Variants in PAPPA observed in about 807,000 individuals in gnomAD.
PAPPA encodes the protein pappalysin 1.
PAPPA carries 60 observed loss-of-function variants against 164.0 expected under a neutral mutation model. The ratio of observed to expected loss-of-function variants is 0.37; its 90% confidence interval spans 0.30 to 0.45. The LOEUF is 0.45. Among genes scored for constraint, PAPPA ranks in the 20% least tolerant of loss-of-function variants. PAPPA has a pLI of 1.00. For synonymous variants in PAPPA, 875 were observed against 814.1 expected, an observed-to-expected ratio of 1.07 and a Z score of -1.27; for missense variants, 1,782 against 2,087.3, an observed-to-expected ratio of 0.85 and a Z score of 2.85.
At chr9:116,385,569 A>G (rs752809876) in intron 21 of PAPPA, among the ~76,000 whole-genome samples, 3 of 152,184 alleles carry the variant, frequency 2.0e-5, no homozygotes, top group South Asian at 4.1e-4. Flanking sequence ...GCCCCAAGAT[A>G]AGCACAGACT....
At chr9:116,301,270 T>C (rs1363540154) in intron 9 of PAPPA, among the ~76,000 whole-genome samples, 1 of 152,230 alleles carries the variant, frequency 6.6e-6, no homozygotes, top group Non-Finnish European at 1.5e-5. Flanking sequence ...GTTTGGATGA[T>C]AAATTATATA....
intron 2 of PAPPA, among the ~76,000 whole-genome samples, chr9:116,199,259 C>T (rs1432350191): frequency 1.3e-5 from 2 of 152,182 alleles, no homozygotes; most frequent in African/African-American, 4.8e-5. Context: ...TTCCAAGAGA[C>T]TCAGCAAAGG....
At chr9:116,262,987 T>C (rs1411772673) in intron 7 of PAPPA, among the ~76,000 whole-genome samples, 6 of 152,196 alleles carry the variant, frequency 3.9e-5, no homozygotes, top group Non-Finnish European at 5.9e-5. Context: ...TAGGAATTTT[T>C]CCGTGGAAAA....
intron 5 of PAPPA, among the ~76,000 whole-genome samples, chr9:116,224,976 G>A (rs1844488456): frequency 6.6e-6 from 1 of 152,206 alleles, no homozygotes; most frequent in Non-Finnish European, 1.5e-5. Context: ...TCCTAGATGT[G>A]TAGGACAGGA....
At chr9:116,296,491 C>T (rs748840764) in intron 9 of PAPPA, among the ~76,000 whole-genome samples, 22 of 152,116 alleles carry the variant, frequency 1.4e-4, no homozygotes, top group Non-Finnish European at 2.6e-4. Flanking sequence ...CAATTCTGTT[C>T]GCAGAGATCT....
intron 10 of PAPPA, among the ~76,000 whole-genome samples, chr9:116,305,142 C>G (rs1399654681): frequency 7.0e-6 from 1 of 142,300 alleles, no homozygotes; most frequent in African/African-American, 2.5e-5. Flanking sequence ...CAGACACACA[C>G]ACACACACAC....
intron 18 of PAPPA, among the ~76,000 whole-genome samples, chr9:116,367,181 G>A (rs1846512079): frequency 6.6e-6 from 1 of 152,206 alleles, no homozygotes. Context: ...TTCAGGAGAT[G>A]GGATGAACAA....
At chr9:116,200,853 AAGC>A (rs1384745377) in intron 2 of PAPPA, among the ~76,000 whole-genome samples, 6 of 152,200 alleles carry the variant, frequency 3.9e-5, no homozygotes, top group African/African-American at 1.2e-4. Context: ...GAAAGAATGA[AAGC>A]AGGGAAAAAG....
intron 10 of PAPPA, among the ~76,000 whole-genome samples, chr9:116,323,415 T>A (rs1214130547): frequency 1.3e-5 from 2 of 152,184 alleles, no homozygotes; most frequent in African/African-American, 4.8e-5. Flanking sequence ...GCTATGTTTC[T>A]CCATCCATCA....
Position 116,363,702 on chromosome 9 carries a change from G to A in PAPPA, c.4495+963G>A, listed in dbSNP as rs534473220. Among the ~76,000 whole-genome samples, 72 of 152,324 alleles carry A rather than the reference G, an allele frequency of 4.7e-4. 2 individuals are homozygous for A. In the South Asian group the frequency reaches 0.014, roughly 30 times the overall value. On this transcript the variant is annotated intron_variant, in intron 18 of 21. Transcript: ENST00000328252. ...AGAGCAATCACCAGGGGTGTCTGGT[G>A]TAGAAGGTTATCTGAATGTGCATAG...
chr9:116,290,752 C>T (rs77091065), intron 9 of PAPPA, among the ~76,000 whole-genome samples: 131 of 151,778 alleles, frequency 8.6e-4, no homozygotes, highest in African/African-American at 3.0e-3. Context: ...CTGAAACTCC[C>T]TTTGTAGTTT....
At chr9:116,171,504 A>C in intron 1 of PAPPA, among the ~76,000 whole-genome samples, 1 of 127,974 alleles carries the variant, frequency 7.8e-6, no homozygotes, top group East Asian at 2.7e-4. Flanking sequence ...CCCCCCCACC[A>C]CTCTGTCCAC....
intron 10 of PAPPA, among the ~76,000 whole-genome samples, chr9:116,311,155 T>C (rs1845713242): frequency 6.6e-6 from 1 of 151,398 alleles, no homozygotes; most frequent in Non-Finnish European, 1.5e-5. Flanking sequence ...CTTCACTTAA[T>C]TAAGACTTGG....
chr9:116,365,284 G>C (rs1846484870), intron 18 of PAPPA, among the ~76,000 whole-genome samples: 1 of 152,136 alleles, frequency 6.6e-6, no homozygotes, highest in Admixed American at 6.5e-5. Context: ...GGCTTCTGTG[G>C]CAGTTATGAG....
At position 116,154,204 on chromosome 9, in the gene PAPPA, G is replaced by A. The variant is rs1329374402; in HGVS notation, c.32G>A (p.Gly11Glu). MRLWSWVLHL[G>E]LLSAALGCGL... The stretch of plus-strand genomic sequence containing the variant: ...CTCTGGAGTTGGGTGCTGCACCTGG[G>A]GCTGCTGAGCGCCGCGCTGGGCTGC... Residue 11 changes from glycine (G) to glutamate (E), a missense_variant, in exon 1 of 22, where the codon GGG (glycine) becomes GAG (glutamate). Transcript: ENST00000328252. This position sits in a 1 kb window ranked among gnomAD's most constrained non-coding sequence, Gnocchi z 5.2. The A allele has an allele frequency of 2.7e-6, 4 of 1,481,840 alleles. No homozygotes were observed. The highest frequency in any genetic ancestry group is 1.2e-5 in the South Asian group (1 of 82,906). 91.8% of individuals were successfully genotyped at this position (1,481,840 alleles called of 1,614,324 possible).
chr9:116,216,542 G>C (rs1844373779), intron 4 of PAPPA, among the ~76,000 whole-genome samples: 1 of 152,164 alleles, frequency 6.6e-6, no homozygotes, highest in Non-Finnish European at 1.5e-5. Context: ...GCCACTCCTG[G>C]AGACCAGATG....
At chr9:116,244,207 T>G (rs1269202962) in intron 7 of PAPPA, among the ~76,000 whole-genome samples, 1 of 152,274 alleles carries the variant, frequency 6.6e-6, no homozygotes, top group East Asian at 1.9e-4. Flanking sequence ...TTCTCAATTT[T>G]GAAAGGGTGA....
At chr9:116,259,536 G>A (rs1043257384) in intron 7 of PAPPA, among the ~76,000 whole-genome samples, 18 of 152,254 alleles carry the variant, frequency 1.2e-4, no homozygotes, top group African/African-American at 4.1e-4. Flanking sequence ...CCACAAACAT[G>A]TGAAAAGATA....
At chr9:116,169,310 CTT>C (rs563871496) in intron 1 of PAPPA, among the ~76,000 whole-genome samples, 145 of 52,118 alleles carry the variant, frequency 2.8e-3, no homozygotes, top group African/African-American at 7.2e-3. Flanking sequence ...CAAACCCATT[CTT>C]TTTTTTTTTT....
Sources: allele counts gnomAD v4.1 joint callset (sites outside exome capture counted in the v4.1 genomes callset), GRCh38; gene constraint gnomAD v4.1.1; non-coding constraint Gnocchi (gnomAD v3.1); transcripts MANE v1.5; gene names NCBI Gene and HGNC (gene_info 2026-07-23, HGNC 2026-07-21).